ZFP90: variants seen among roughly 807,000 people sequenced by gnomAD.
ZFP90 encodes the protein zinc finger protein 90 homolog.
ZFP90 carries 38 observed loss-of-function variants against 60.8 expected under a neutral mutation model. The observed-to-expected ratio is 0.62, with a 90% CI of 0.48 to 0.82. ZFP90 has a LOEUF of 0.82. Among genes scored for constraint, ZFP90 ranks in the 40% least tolerant of loss-of-function variants. The pLI is 0.00. For synonymous variants in ZFP90, 287 were observed against 264.8 expected, an observed-to-expected ratio of 1.08 and a Z score of -0.82; for missense variants, 711 against 759.1, an observed-to-expected ratio of 0.94 and a Z score of 0.74.
intron 2 of ZFP90, chr16:68,575,649 G>T: frequency 2.8e-6 from 1 of 358,132 alleles, no homozygotes; most frequent in Non-Finnish European, 5.0e-6. Context: ...GAAGGTTAGT[G>T]ATCAATCAGA....
Position 68,563,281 on chromosome 16 carries a change from G to T in ZFP90, c.494G>T (p.Arg165Ile), listed in dbSNP as rs1401413868. The change falls in exon 5 of 5, where the codon AGA (arginine) becomes ATA (isoleucine). Residue 165 changes from arginine (R) to isoleucine (I), a missense_variant. Physicochemically the swap from Arg to Ile is moderately conservative, Grantham distance 97. This residue lies in a region of ZFP90 where 241 missense variants were observed against 247.6 expected (regional missense o/e 0.97). Coordinates refer to ENST00000563169, the MANE Select transcript of ZFP90 (RefSeq NM_001305203.2). ...FEQNKFGENS[R>I]LNTNLVTQLN... The stretch of plus-strand genomic sequence containing the variant: ...CAAAATAAATTTGGTGAAAATTCTA[G>T]ATTGAACACCAATTTGGTTACACAA... 2 of 1,614,008 alleles carry T rather than the reference G, an allele frequency of 1.2e-6. 1 individual carries two copies. The highest frequency in any genetic ancestry group is 2.2e-5 in the South Asian group (2 of 91,050).
At chr16:68,547,735 A>T (rs1242870735) in intron 2 of ZFP90, among the ~76,000 whole-genome samples, 2 of 152,194 alleles carry the variant, frequency 1.3e-5, no homozygotes, top group Non-Finnish European at 2.9e-5. Context: ...TTCTCAGAGA[A>T]CATTTAGGTT....
In ZFP90 at chr16:68,564,558, CG is replaced by C; in HGVS notation, c.1772del (p.Arg591GlnfsTer60). 6.2e-7 allele frequency: 1 copy of C among 1,612,484 alleles called. No homozygotes were observed. The highest frequency in any genetic ancestry group is 8.5e-7 in the Non-Finnish European group (1 of 1,179,506). On this transcript the variant is annotated frameshift_variant, in exon 5 of 5. Coordinates refer to ENST00000563169, the MANE Select transcript of ZFP90 (RefSeq NM_001305203.2). LOFTEE classifies it high-confidence loss of function. ...YECNECGRAF[R>X]KKTNLHDHQR... ...ATGTAATGAATGTGGGAGAGCCTTC[CG>C]AAAAAAAACCAACCTGCATGATCAT...
downstream of ZFP90, among the ~76,000 whole-genome samples, chr16:68,569,158 A>C (rs867633139): frequency 4.5e-5 from 1 of 22,076 alleles, no homozygotes; most frequent in East Asian, 1.7e-3. Context: ...TTTTTTTGAG[A>C]TGGAGTCTCA....
intron 2 of ZFP90, among the ~76,000 whole-genome samples, chr16:68,551,438 T>G (rs1219236941): frequency 2.8e-5 from 2 of 72,150 alleles, no homozygotes; most frequent in East Asian, 3.6e-4. Flanking sequence ...TTTTTTTTTT[T>G]GGAGACGGAA....
rs1457634367 is a variant in ZFP90 at position 68,566,056 on chromosome 16, C to T, written c.*1358C>T. On this transcript the variant is annotated 3_prime_UTR_variant, in exon 5 of 5. Coordinates refer to ENST00000563169, the MANE Select transcript of ZFP90 (RefSeq NM_001305203.2). ...GGCTGAGGTGGGAGGATCACTGGAA[C>T]CCGGGAGCAGAGACTGCAGTGAGCT... The T allele has an allele frequency of 4.3e-6, 4 of 935,666 alleles. No individual in the cohort carries two copies. Among genetic ancestry groups the T allele is most frequent in the Admixed American group, 1.2e-4 (2 of 16,174 alleles). 58.0% of individuals were successfully genotyped at this position (935,666 alleles called of 1,614,324 possible).
upstream of ZFP90, among the ~76,000 whole-genome samples, chr16:68,534,586 C>T (rs1269749481): frequency 6.6e-6 from 1 of 151,348 alleles, no homozygotes; most frequent in African/African-American, 2.4e-5. Flanking sequence ...ATTCATATGT[C>T]CAACCCCTAC....
chr16:68,546,773 A>G (rs1236324063), intron 2 of ZFP90, among the ~76,000 whole-genome samples: 1 of 152,154 alleles, frequency 6.6e-6, no homozygotes, highest in Non-Finnish European at 1.5e-5. Flanking sequence ...CAGCCTCCCA[A>G]AGTGCTGGGA....
At position 68,566,857 on chromosome 16, in the gene ZFP90, G is replaced by A. The variant is rs1043000279; in HGVS notation, c.*2159G>A. ...AACTGAGTGCTGCCCCCACTGTTACGGAAGTTTATAAAACCTTAGTTCCAG... is the reference window on the plus strand; with the variant it reads ...AACTGAGTGCTGCCCCCACTGTTACAGAAGTTTATAAAACCTTAGTTCCAG... On this transcript the variant is annotated 3_prime_UTR_variant, in exon 5 of 5. Coordinates refer to ENST00000563169, the MANE Select transcript of ZFP90 (RefSeq NM_001305203.2). 2.7e-5 allele frequency: 27 copies of A among 985,418 alleles called. No homozygotes were observed. Among genetic ancestry groups the A allele is most frequent in the African/African-American group, 8.7e-5 (5 of 57,216 alleles). The allele number at this position is 985,418 out of a possible 1,614,324, so 61.0% of individuals were successfully genotyped here. A position where few individuals can be genotyped will look rare whatever the true frequency, so the allele number is the denominator to read the frequency against.
rs139020241 is a variant in ZFP90, at chr16:68,574,759, T to TA, written c.224-1024dup. 9.8e-3 allele frequency among the ~76,000 whole-genome samples: 1,486 copies of TA among 151,298 alleles called. 7 individuals are homozygous for TA. Among genetic ancestry groups the TA allele is most frequent in the Non-Finnish European group, 0.016 (1,059 of 67,770 alleles). Reference sequence around the variant, plus strand: ...GGGCAACATGGTGAAACCCTGTCTCTAAAAAAAATACAAAAATTAGCTGGC... The same window carrying TA: ...GGGCAACATGGTGAAACCCTGTCTCTAAAAAAAAATACAAAAATTAGCTGGC... On this transcript the variant is annotated intron_variant, in intron 2 of 2. Coordinates refer to the ZFP90 transcript ENST00000573113.
rs368087822 is a variant in ZFP90, at chr16:68,564,731, T to C, written c.*33T>C. 9.8e-4 allele frequency: 1,533 copies of C among 1,562,716 alleles called. 13 individuals are homozygous for C. The highest frequency in any genetic ancestry group is 8.0e-3 in the South Asian group (655 of 81,594). On this transcript the variant is annotated 3_prime_UTR_variant, in exon 5 of 5. Transcript: ENST00000563169. The stretch of plus-strand genomic sequence containing the variant: ...GAAATTAAGGAATTTGCAGAATGCT[T>C]TAGCTAAAATGTTCTGATTCAGGAT...
At position 68,564,413 on chromosome 16, in the gene ZFP90, A is replaced by C; in HGVS notation, c.1626A>C (p.Gln542His). 1 of 1,613,922 alleles carries C rather than the reference A, an allele frequency of 6.2e-7. No individual in the cohort carries two copies. The highest frequency in any genetic ancestry group is 8.5e-7 in the Non-Finnish European group (1 of 1,179,920). ...EAFSRRSSLT[Q>H]HERTHTGEKP... ...TTAGTCGACGCTCATCGCTTACTCA[A>C]CATGAGAGAACCCACACTGGAGAGA... Residue 542 changes from glutamine to histidine, a missense_variant, in exon 5 of 5, where the codon CAA (glutamine) becomes CAC (histidine). By Grantham distance (24) the Gln-to-His change is conservative (BLOSUM62 0). This residue lies in a region of ZFP90 where 295 missense variants were observed against 274.0 expected (regional missense o/e 1.08). Coordinates refer to ENST00000563169, the MANE Select transcript of ZFP90 (RefSeq NM_001305203.2).
At chr16:68,570,322 A>G (rs2152078318), downstream of ZFP90, among the ~76,000 whole-genome samples, 1 of 152,292 alleles carries the variant, frequency 6.6e-6, no homozygotes, top group East Asian at 1.9e-4. Context: ...TTCTCCCAGG[A>G]AAGAATTCAA....
Position 68,550,886 on chromosome 16 carries a change from T to C in ZFP90, c.34-7112T>C, listed in dbSNP as rs377666039. On this transcript the variant is annotated intron_variant, in intron 2 of 4. Transcript: ENST00000563169. ...GTGACTGCAAGGCATAAAGGAAAAA[T>C]GAAGAGTCAAGGAGGAGGTCCAGGT... Among the ~76,000 whole-genome samples, 3 of 152,232 alleles carry C rather than the reference T, an allele frequency of 2.0e-5. No homozygotes were observed. In the East Asian group the frequency reaches 5.8e-4, roughly 29 times the overall value.
chr16:68,558,605 A>G (rs758205560), intron 4 of ZFP90, 37 bp downstream of exon 4: 17 of 1,567,528 alleles, frequency 1.1e-5, no homozygotes, highest in African/African-American at 4.1e-5. Flanking sequence ...GAATGAATGC[A>G]GTTAATGGCA....
chr16:68,539,941 C>T (rs1367057755), intron 2 of ZFP90, 116 bp downstream of exon 2: 4 of 1,396,814 alleles, frequency 2.9e-6, no homozygotes, highest in East Asian at 2.7e-5. Flanking sequence ...TTGCTTGGCT[C>T]GATCGGAGCC....
intron 2 of ZFP90, chr16:68,574,213 G>T (rs2091581618): frequency 9.0e-6 from 1 of 111,530 alleles, no homozygotes; most frequent in Non-Finnish European, 1.7e-5. Flanking sequence ...AGGTCAATGT[G>T]TCTCCTTTTT....
chr16:68,563,501 T>C lies in ZFP90; in HGVS notation c.714T>C (p.Ala238=). 6.2e-7 allele frequency: 1 copy of C among 1,614,104 alleles called. No homozygotes were observed. The highest frequency in any genetic ancestry group is 8.5e-7 in the Non-Finnish European group (1 of 1,180,022). Residue 238 remains alanine, a synonymous_variant, in exon 5 of 5, where the codon GCT becomes GCC. Transcript: ENST00000563169. ...KHEKTHKGEG[A]FPNGTDQGIY... The stretch of plus-strand genomic sequence containing the variant: ...AGAAAACACATAAAGGAGAGGGAGC[T>C]TTCCCTAATGGAACAGATCAAGGAA...
chr16:68,557,861 T>G, intron 2 of ZFP90, 137 bp from the exon 3 acceptor site: 1 of 1,204,820 alleles, frequency 8.3e-7, no homozygotes, highest in Admixed American at 2.0e-5. Context: ...ACAATAAGTT[T>G]ATGTAACCCA....
Sources: allele counts gnomAD v4.1 joint callset (sites outside exome capture counted in the v4.1 genomes callset), GRCh38; gene constraint gnomAD v4.1.1; regional missense constraint gnomAD v4.1.1; transcripts MANE v1.5; gene names NCBI Gene and HGNC (gene_info 2026-07-23, HGNC 2026-07-21).